MCM9: variants seen among roughly 807,000 people sequenced by gnomAD.
MCM9 encodes minichromosome maintenance 9 homologous recombination repair factor.
In MCM9, 55 loss-of-function variants were observed where a neutral mutation model predicts 72.8. The ratio of observed to expected loss-of-function variants is 0.76; its 90% CI spans 0.61 to 0.95. MCM9 has a LOEUF of 0.95. MCM9 is among the 40% of genes least tolerant of loss of function. The probability of loss-of-function intolerance (pLI) is 0.00; values close to 1 mark genes in which losing one functional copy is unlikely to be tolerated. For missense variants in MCM9, 1,279 were observed against 1,377.0 expected, an observed-to-expected ratio of 0.93 and a Z score of 1.13; for synonymous variants, 480 against 503.4, an observed-to-expected ratio of 0.95 and a Z score of 0.62.
Position 118,816,254 on chromosome 6 carries a change from A to G in MCM9, c.2002T>C (p.Leu668=), listed in dbSNP as rs771346865. 3 of 1,549,384 alleles carry G rather than the reference A, an allele frequency of 1.9e-6. No homozygotes were observed. In the South Asian group the frequency reaches 3.6e-5, roughly 18 times the overall value. Residue 668 remains leucine, a synonymous_variant, in exon 14 of 14, where the codon TTG becomes CTG. Transcript: ENST00000619706. ...GATCCTGGAGTAGTCTCTACCTCCA[A>G]TACCCGTGGTTGGGATTGGTGCACA... The part of the protein sequence containing the change: ...QSVHQSQPRV[L]EVETTPGSLR...
At chr6:118,832,400 T>C (rs1390204115) in intron 9 of MCM9, among the ~76,000 whole-genome samples, 2 of 152,222 alleles carry the variant, frequency 1.3e-5, no homozygotes, top group African/African-American at 2.4e-5. Flanking sequence ...CCTTGAGAGA[T>C]TGTGATTTAT....
rs1780569600 is a variant in MCM9 at position 118,911,785 on chromosome 6, T to C, written c.1031-16A>G. On this transcript the variant is annotated splice_polypyrimidine_tract_variant and intron_variant, in intron 7 of 13. Transcript: ENST00000619706. ...TGAGATTCTCCTAGGAAAAAGCAAATACATGAAGTTTTAAATTTCTATAAA... is the reference window on the plus strand; with the variant it reads ...TGAGATTCTCCTAGGAAAAAGCAAACACATGAAGTTTTAAATTTCTATAAA... 1.9e-6 allele frequency: 3 copies of C among 1,591,620 alleles called. No individual in the cohort carries two copies. The highest frequency in any genetic ancestry group is 2.6e-6 in the Non-Finnish European group (3 of 1,162,766).
intron 8 of MCM9, among the ~76,000 whole-genome samples, chr6:118,867,826 C>T (rs991222502): frequency 1.3e-5 from 2 of 151,468 alleles, no homozygotes; most frequent in African/African-American, 4.9e-5. Flanking sequence ...ATCCAAAATA[C>T]TCTAGTAATA....
intron 8 of MCM9, among the ~76,000 whole-genome samples, chr6:118,901,258 C>T (rs1779782298): frequency 6.6e-6 from 1 of 152,160 alleles, no homozygotes; most frequent in South Asian, 2.1e-4. Flanking sequence ...CTAAAACTAA[C>T]TGGCATTGTT....
chr6:118,832,142 C>T (rs1774603779), intron 9 of MCM9, among the ~76,000 whole-genome samples: 1 of 152,158 alleles, frequency 6.6e-6, no homozygotes, highest in Non-Finnish European at 1.5e-5. Flanking sequence ...CTCACTACAA[C>T]CTCAAACTCC....
At chr6:118,835,457 C>A (rs1774891071) in intron 9 of MCM9, among the ~76,000 whole-genome samples, 1 of 152,156 alleles carries the variant, frequency 6.6e-6, no homozygotes, top group Admixed American at 6.5e-5. Context: ...GCCATTTTCA[C>A]AATATTGATT....
At chr6:118,901,856 T>C (rs1199791199) in intron 8 of MCM9, among the ~76,000 whole-genome samples, 2 of 152,188 alleles carry the variant, frequency 1.3e-5, no homozygotes, top group Non-Finnish European at 2.9e-5. Context: ...ACCTCTGTTT[T>C]CTCACTTCAC....
rs184452589 is a variant in MCM9 at position 118,856,686 on chromosome 6, C to A, written c.1151-141G>T. 18 of 859,074 alleles carry A rather than the reference C, an allele frequency of 2.1e-5. No homozygotes were observed. In the Admixed American group the frequency reaches 3.5e-4, roughly 17 times the overall value. 53.2% of individuals were successfully genotyped at this position (859,074 alleles called of 1,614,324 possible). A position where few individuals can be genotyped will look rare whatever the true frequency, so the allele number is the denominator to read the frequency against. On this transcript the variant is annotated intron_variant, in intron 8 of 13. Coordinates refer to ENST00000619706, the MANE Select transcript of MCM9 (RefSeq NM_017696.3). ...TTGAACACAGGAGTTCGAGGCCTGC[C>A]TGGACAACATGGCAAAACCTTGTCT...
chr6:118,921,849 C>T (rs1011216196), intron 5 of MCM9, 156 bp downstream of exon 5: 4 of 578,598 alleles, frequency 6.9e-6, no homozygotes, highest in African/African-American at 1.9e-5. Flanking sequence ...TCTCTTCCTG[C>T]TATCACTTCC....
intron 8 of MCM9, chr6:118,907,663 A>T (rs780947972): frequency 9.1e-6 from 13 of 1,434,626 alleles, no homozygotes; most frequent in South Asian, 5.9e-5. Context: ...AATACACAGA[A>T]CTATTTCCCT....
chr6:118,856,204 A>C (rs1335645876), intron 9 of MCM9, among the ~76,000 whole-genome samples, 167 bp downstream of exon 9: 2 of 151,996 alleles, frequency 1.3e-5, no homozygotes, highest in Non-Finnish European at 2.9e-5. Flanking sequence ...TTCCTCACAC[A>C]CTTCTGTGGT....
intron 4 of MCM9, among the ~76,000 whole-genome samples, chr6:118,922,462 A>G (rs1781508415): frequency 6.6e-6 from 1 of 152,222 alleles, no homozygotes; most frequent in South Asian, 2.1e-4. Context: ...ATTACTCCTT[A>G]GTAACAGAAC....
At chr6:118,911,796 T>A (rs1263500442) in intron 7 of MCM9, 27 bp from the exon 8 acceptor site, 1 of 1,570,534 alleles carries the variant, frequency 6.4e-7, no homozygotes, top group South Asian at 1.1e-5. Flanking sequence ...ACATGAAGTT[T>A]TAAATTTCTA....
intron 9 of MCM9, among the ~76,000 whole-genome samples, chr6:118,840,697 G>GT (rs1202319887): frequency 6.7e-6 from 1 of 150,080 alleles, no homozygotes; most frequent in East Asian, 1.9e-4. Flanking sequence ...TATATATTTG[G>GT]TAACCTTAAA....
rs749768783 is a variant in MCM9, at chr6:118,815,871, C to T, written c.2385G>A (p.Val795=). 5.4e-5 allele frequency: 83 copies of T among 1,541,696 alleles called. No homozygotes were observed. The highest frequency in any genetic ancestry group is 7.1e-5 in the Non-Finnish European group (81 of 1,146,934). Residue 795 remains valine (V), a synonymous_variant, in exon 14 of 14, where the codon GTG becomes GTA. Transcript: ENST00000619706. ...EKSEPGQRSK[V]DIGLLPSPGE... is the part of the protein sequence containing the mutation. ...CTGGTGATGGAAGCAACCCAATGTC[C>T]ACTTTGCTCCTTTGGCCTGGCTCAC...
intron 3 of MCM9, among the ~76,000 whole-genome samples, chr6:118,925,673 C>T (rs917785825): frequency 3.3e-5 from 5 of 152,068 alleles, no homozygotes; most frequent in African/African-American, 4.8e-5. Flanking sequence ...GACTGACTTG[C>T]CCATTTTCTA....
intron 8 of MCM9, among the ~76,000 whole-genome samples, chr6:118,880,878 AG>A (rs1468441214): frequency 6.6e-6 from 1 of 152,220 alleles, no homozygotes; most frequent in East Asian, 1.9e-4. Context: ...CCTTATCCAC[AG>A]GGGATACGTT....
At chr6:118,913,896 G>T (rs1780739097) in intron 6 of MCM9, among the ~76,000 whole-genome samples, 2 of 152,090 alleles carry the variant, frequency 1.3e-5, no homozygotes, top group African/African-American at 4.8e-5. Context: ...CTCATGAGTG[G>T]TATGAGCCAC....
Position 118,826,654 on chromosome 6 carries a change from T to C in MCM9, c.1815+128A>G, listed in dbSNP as rs189617634. On this transcript the variant is annotated intron_variant, in intron 12 of 13. Transcript: ENST00000619706. ...ATTTAATCGGTTACCTTTGGATATATTTCCAGGAATTACTAAGTCTAGAAT... is the reference window on the plus strand; with the variant it reads ...ATTTAATCGGTTACCTTTGGATATACTTCCAGGAATTACTAAGTCTAGAAT... 290 of 697,120 alleles carry C rather than the reference T, an allele frequency of 4.2e-4. 1 individual carries two copies. The African/African-American group carries it at 4.7e-3, about 11-fold the overall frequency. The allele number at this position is 697,120 out of a possible 1,614,324, so 43.2% of individuals were successfully genotyped here. A position where few individuals can be genotyped will look rare whatever the true frequency, so the allele number is the denominator to read the frequency against.
Sources: gnomAD v4.1 joint callset for allele counts (sites outside exome capture counted in the v4.1 genomes callset) on GRCh38, gnomAD v4.1.1 for gene constraint, MANE v1.5 for transcripts, NCBI Gene and HGNC (gene_info 2026-07-23, HGNC 2026-07-21) for gene names.